The following TIAM2 variants were observed in gnomAD, a reference collection of about 807,000 sequenced individuals.
The protein encoded by TIAM2 is TIAM Rac1 associated GEF 2.
TIAM2 carries 80 observed loss-of-function variants against 152.9 expected under a neutral mutation model. That is an observed-to-expected ratio of 0.52 (90% confidence interval 0.44 to 0.63). The LOEUF is 0.63. Among genes scored for constraint, TIAM2 ranks in the 30% least tolerant of loss-of-function variants. The probability of loss-of-function intolerance (pLI) is 0.00; values close to 1 mark genes in which losing one functional copy is unlikely to be tolerated. For missense variants in TIAM2, 1,965 were observed against 2,120.1 expected (o/e 0.93, Z 1.44); for synonymous variants, 804 against 838.0 (o/e 0.96, Z 0.70).
chr6:155,240,496 C>T (rs746196056), intron 15 of TIAM2, 34 bp from the exon 16 acceptor site: 18 of 1,575,608 alleles, frequency 1.1e-5, no homozygotes, highest in Admixed American at 1.0e-4. Flanking sequence ...GGGAGAGGCC[C>T]GTGCATTATT....
rs746180275 is a variant in TIAM2, at chr6:155,254,618, A to G, written c.4468+45A>G. On this transcript the variant is annotated intron_variant, in intron 26 of 26. Transcript: ENST00000682666. ...TGTGTTTATTCAACAAAATATTATG[A>G]GCTTCTGAAAAGGATATATGCTCTT... The G allele has an allele frequency of 7.5e-6, 12 of 1,596,804 alleles. No individual in the cohort carries two copies. In the Middle Eastern group the frequency reaches 5.0e-4, roughly 66 times the overall value.
intron 14 of TIAM2, among the ~76,000 whole-genome samples, chr6:155,194,414 G>A (rs775136477): frequency 3.3e-5 from 5 of 152,150 alleles, no homozygotes; most frequent in African/African-American, 7.2e-5. Context: ...AGGCAGCCCC[G>A]GTGCCAGCCA....
intron 14 of TIAM2, among the ~76,000 whole-genome samples, chr6:155,190,364 G>A (rs1305264089): frequency 6.6e-6 from 1 of 152,142 alleles, no homozygotes; most frequent in African/African-American, 2.4e-5. Flanking sequence ...ACCCCTATAT[G>A]TTCTCTGTAA....
intron 1 of TIAM2, among the ~76,000 whole-genome samples, chr6:155,013,142 C>A (rs1186094876): frequency 6.6e-6 from 1 of 152,090 alleles, no homozygotes; most frequent in African/African-American, 2.4e-5. Context: ...AGGACCCAGG[C>A]TTTCTCTGCA....
intron 1 of TIAM2, among the ~76,000 whole-genome samples, chr6:155,053,116 T>A (rs1777356689): frequency 6.6e-6 from 1 of 152,202 alleles, no homozygotes; most frequent in Non-Finnish European, 1.5e-5. Context: ...CCATTATGAC[T>A]TTGAGCATCC....
At position 155,244,763 on chromosome 6, in the gene TIAM2, G is replaced by C; in HGVS notation, c.3523G>C (p.Glu1175Gln). Reference protein sequence around the residue: ...ISASSDFNTLETPSQFRKLLF... With the variant: ...ISASSDFNTLQTPSQFRKLLF... ...AGCATCATCTGACTTTAACACCCTA[G>C]AAACCCCCTCACAGTTTAGAGTAAG... The change falls in exon 18 of 27, where the codon GAA becomes CAA. Residue 1175 changes from glutamate (E) to glutamine (Q), a missense_variant. Glu to Gln is a conservative substitution (Grantham distance 29). Coordinates refer to ENST00000682666, the MANE Select transcript of TIAM2 (RefSeq NM_012454.4). 1.2e-6 allele frequency: 2 copies of C among 1,613,288 alleles called. No individual in the cohort carries two copies. Among genetic ancestry groups the C allele is most frequent in the Non-Finnish European group, 1.7e-6 (2 of 1,179,564 alleles).
chr6:155,035,560 G>A (rs930395643), intron 1 of TIAM2, among the ~76,000 whole-genome samples: 1 of 152,072 alleles, frequency 6.6e-6, no homozygotes, highest in Non-Finnish European at 1.5e-5. Flanking sequence ...TTGGAGTTTT[G>A]CAAACACCAT....
In TIAM2 at chr6:155,029,400, AG is replaced by A. The variant is rs1302131424; in HGVS notation, c.-209+33909del. ...ATATACTATGTTATATATATACTAT[AG>A]TATATATAATATATACTATATATAC... On this transcript the variant is annotated intron_variant, in intron 1 of 26. Coordinates refer to ENST00000682666, the MANE Select transcript of TIAM2 (RefSeq NM_012454.4). Among the ~76,000 whole-genome samples the A allele has an allele frequency of 2.1e-4, 20 of 93,080 alleles. 2 individuals carry two copies. The highest frequency in any genetic ancestry group is 8.2e-4 in the African/African-American group (20 of 24,318). The allele number at this position is 93,080 out of a possible 152,430, so 61.1% of individuals were successfully genotyped here.
At chr6:155,029,670 T>C (rs1305829459) in intron 1 of TIAM2, among the ~76,000 whole-genome samples, 1 of 133,460 alleles carries the variant, frequency 7.5e-6, no homozygotes, top group Non-Finnish European at 1.5e-5. Flanking sequence ...TATATAACTA[T>C]ATACAGAGTT....
At chr6:155,099,240 G>A (rs943656047) in intron 2 of TIAM2, among the ~76,000 whole-genome samples, 50 of 151,774 alleles carry the variant, frequency 3.3e-4, no homozygotes, top group Middle Eastern at 3.4e-3. Context: ...GTGTGTGTGT[G>A]TGTGTGTGTG....
At chr6:155,112,501 C>A (rs1778879559) in intron 2 of TIAM2, among the ~76,000 whole-genome samples, 1 of 152,098 alleles carries the variant, frequency 6.6e-6, no homozygotes, top group South Asian at 2.1e-4. Flanking sequence ...ATTTCCTTGA[C>A]CCCTTAATGT....
chr6:155,046,701 G>T (rs1377416461), intron 1 of TIAM2, among the ~76,000 whole-genome samples: 2 of 152,048 alleles, frequency 1.3e-5, no homozygotes, highest in Non-Finnish European at 2.9e-5. Context: ...CTGTTCTGGG[G>T]TTTGACTTCC....
rs574751395 is a variant in TIAM2, at chr6:155,100,914, C to T, written c.-118+10535C>T. Among the ~76,000 whole-genome samples the T allele has an allele frequency of 2.4e-3, 363 of 152,280 alleles. 1 individual carries two copies. Among genetic ancestry groups the T allele is most frequent in the Non-Finnish European group, 4.0e-3 (270 of 68,024 alleles). On this transcript the variant is annotated intron_variant, in intron 2 of 26. Transcript: ENST00000682666. ...TGTCATACAGTGGGATCTGATGTCA[C>T]GCCAGAGGGACTCTAAATTGTGGGC... is the stretch of plus-strand genomic sequence containing the variant.
chr6:155,102,177 A>G (rs1778566123), intron 2 of TIAM2, among the ~76,000 whole-genome samples: 1 of 151,546 alleles, frequency 6.6e-6, no homozygotes, highest in East Asian at 1.9e-4. Context: ...TGGGGCAGAA[A>G]TGGGGTATCA....
rs113731225 is a variant in TIAM2 at position 155,054,982 on chromosome 6, T to C, written c.-208-35307T>C. Among the ~76,000 whole-genome samples, 16 of 152,288 alleles carry C rather than the reference T, an allele frequency of 1.1e-4. 1 individual carries two copies. The highest frequency in any genetic ancestry group is 3.6e-4 in the African/African-American group (15 of 41,558). Reference sequence around the variant, plus strand: ...AAATGATCTGTAATGTTATTTTTCCTAGTTTTTGTGTGTGATAGATGGGAA... The same window carrying C: ...AAATGATCTGTAATGTTATTTTTCCCAGTTTTTGTGTGTGATAGATGGGAA... On this transcript the variant is annotated intron_variant, in intron 1 of 26. Coordinates refer to ENST00000682666, the MANE Select transcript of TIAM2 (RefSeq NM_012454.4).
At chr6:155,087,661 A>G (rs2114975136) in intron 1 of TIAM2, among the ~76,000 whole-genome samples, 1 of 152,198 alleles carries the variant, frequency 6.6e-6, no homozygotes, top group African/African-American at 2.4e-5. Context: ...AGGCAGGAGA[A>G]TTGCTTGAAC....
intron 15 of TIAM2, chr6:155,217,214 T>A: frequency 6.5e-6 from 7 of 1,081,778 alleles, no homozygotes; most frequent in Non-Finnish European, 8.6e-6. Context: ...AAGACTGATA[T>A]GCAGATGAGA....
At chr6:155,080,675 C>T (rs879680295) in intron 1 of TIAM2, among the ~76,000 whole-genome samples, 67 of 152,162 alleles carry the variant, frequency 4.4e-4, no homozygotes, top group African/African-American at 1.4e-3. Context: ...CCTCATGATC[C>T]GCCCACCTCA....
At chr6:155,158,811 T>C (rs1168041175) in intron 7 of TIAM2, among the ~76,000 whole-genome samples, 1 of 151,736 alleles carries the variant, frequency 6.6e-6, no homozygotes, top group Non-Finnish European at 1.5e-5. Flanking sequence ...TATCTTGATG[T>C]TTATCTTTAA....
Sources: allele counts gnomAD v4.1 joint callset (sites outside exome capture counted in the v4.1 genomes callset), GRCh38; gene constraint gnomAD v4.1.1; transcripts MANE v1.5; gene names NCBI Gene and HGNC (gene_info 2026-07-23, HGNC 2026-07-21).